OR1F1: variants seen among roughly 807,000 people sequenced by gnomAD.
OR1F1 encodes the protein olfactory receptor 1F1.
For missense variants in OR1F1, 493 were observed against 376.3 expected (o/e 1.31, Z -2.57); for synonymous variants, 184 against 156.7 (o/e 1.17, Z -1.30).
chr16:3,204,660 T>A lies in OR1F1; in HGVS notation c.414T>A (p.His138Gln), dbSNP rs1350873104. 3 of 1,614,140 alleles carry A rather than the reference T, an allele frequency of 1.9e-6. No individual in the cohort carries two copies. The highest frequency in any genetic ancestry group is 2.5e-6 in the Non-Finnish European group (3 of 1,180,022). ...TACATTACACAGCAAAGATGACCCA[T>A]CAGCTCTGTGCCCTGCTGGTTGCTG... The change falls in exon 1 of 1, where the codon CAT becomes CAA. Residue 138 changes from histidine (H) to glutamine (Q), a missense_variant. Coordinates refer to ENST00000304646, the Ensembl canonical transcript of OR1F1.
the OR1F1 span, among the ~76,000 whole-genome samples, chr16:3,192,061 C>A: frequency 6.6e-6 from 1 of 152,108 alleles, no homozygotes; most frequent in Non-Finnish European, 1.5e-5. Context: ...GGACGAGCCC[C>A]TCTTCTTATT....
the OR1F1 span, among the ~76,000 whole-genome samples, chr16:3,194,816 T>C: frequency 6.6e-6 from 1 of 152,140 alleles, no homozygotes; most frequent in Non-Finnish European, 1.5e-5. Context: ...GTGATTTAGG[T>C]CTCGCTATGT....
chr16:3,192,039 G>C, the OR1F1 span, among the ~76,000 whole-genome samples: 5 of 152,186 alleles, frequency 3.3e-5, no homozygotes, highest in South Asian at 2.1e-4. Context: ...AGAGGTCCCG[G>C]GTTCAAATCC....
the OR1F1 span, among the ~76,000 whole-genome samples, chr16:3,193,528 G>A: frequency 2.6e-5 from 4 of 152,222 alleles, no homozygotes; most frequent in Non-Finnish European, 5.9e-5. Flanking sequence ...ACGGGGAATG[G>A]GAGTTTTCTC....
chr16:3,190,569 G>A, the OR1F1 span, among the ~76,000 whole-genome samples: 8 of 152,020 alleles, frequency 5.3e-5, no homozygotes, highest in African/African-American at 1.7e-4. Flanking sequence ...TGGCCAACAT[G>A]GTAAAACCCT....
exon 1 of OR1F1, chr16:3,204,747 A>C: frequency 6.2e-7 from 1 of 1,614,060 alleles, no homozygotes; most frequent in Non-Finnish European, 8.5e-7. Flanking sequence ...CTCCACTCTC[A>C]TTCTGTGCAG....
the OR1F1 span, among the ~76,000 whole-genome samples, chr16:3,195,642 A>G: frequency 6.9e-6 from 1 of 143,962 alleles, no homozygotes; most frequent in Non-Finnish European, 1.5e-5. Flanking sequence ...AGATCACACC[A>G]TTGTATTACA....
At chr16:3,204,764 C>A (rs771230481) in exon 1 of OR1F1, 3 of 1,614,132 alleles carry the variant, frequency 1.9e-6, no homozygotes, top group Non-Finnish European at 2.5e-6. Context: ...GCAGACAATG[C>A]CATCACTCAC....
downstream of OR1F1, among the ~76,000 whole-genome samples, chr16:3,206,456 C>A (rs1958211071): frequency 6.6e-6 from 1 of 151,858 alleles, no homozygotes; most frequent in African/African-American, 2.4e-5. Flanking sequence ...TGTTCGTACA[C>A]CCCCACCCCT....
the OR1F1 span, among the ~76,000 whole-genome samples, chr16:3,198,592 GAAACAAAACA>G: frequency 2.0e-5 from 3 of 152,170 alleles, no homozygotes. Flanking sequence ...GGCAGGAGAT[GAAACAAAACA>G]ACAGTGAGAC....
At chr16:3,205,063 A>G in exon 1 of OR1F1, 1 of 1,613,720 alleles carries the variant, frequency 6.2e-7, no homozygotes, top group Non-Finnish European at 8.5e-7. Context: ...GAAAGACACT[A>G]TGGCTACTGT....
At chr16:3,204,880 C>A (rs1172535808) in exon 1 of OR1F1, 4 of 1,614,174 alleles carry the variant, frequency 2.5e-6, no homozygotes, top group Non-Finnish European at 3.4e-6. Context: ...CACCCCATTT[C>A]TTTGCATCCT....
the OR1F1 span, among the ~76,000 whole-genome samples, chr16:3,195,142 C>T: frequency 6.6e-6 from 1 of 152,198 alleles, no homozygotes; most frequent in Non-Finnish European, 1.5e-5. Context: ...GAGCCCGGGT[C>T]CTGGACCCAA....
downstream of OR1F1, among the ~76,000 whole-genome samples, chr16:3,206,037 A>G (rs1898971327): frequency 2.6e-5 from 4 of 152,196 alleles, no homozygotes; most frequent in South Asian, 6.2e-4. Flanking sequence ...GCAAGTAGGG[A>G]TATCACTGAA....
the OR1F1 span, among the ~76,000 whole-genome samples, chr16:3,198,085 A>G: frequency 4.3e-3 from 265 of 61,168 alleles, no homozygotes; most frequent in Middle Eastern, 0.012. Context: ...GAGAGGGAGA[A>G]GGAGAGGGAG....
At chr16:3,190,834 A>G in the OR1F1 span, among the ~76,000 whole-genome samples, 2 of 152,194 alleles carry the variant, frequency 1.3e-5, no homozygotes, top group Non-Finnish European at 2.9e-5. Context: ...AAAATTGCAA[A>G]CATTTTGGAT....
At chr16:3,194,969 G>C in the OR1F1 span, among the ~76,000 whole-genome samples, 1 of 152,210 alleles carries the variant, frequency 6.6e-6, no homozygotes, top group Non-Finnish European at 1.5e-5. Flanking sequence ...CTCGAGGGTG[G>C]AGTCTTGGCA....
At chr16:3,198,918 C>T in the OR1F1 span, among the ~76,000 whole-genome samples, 30,459 of 150,936 alleles carry the variant, frequency 0.2, 3,191 homozygotes, top group Non-Finnish European at 0.24. Context: ...GTTCACTCCT[C>T]GGCACTCCAG....
At chr16:3,202,741 A>G (rs1958149295), upstream of OR1F1, among the ~76,000 whole-genome samples, 1 of 151,344 alleles carries the variant, frequency 6.6e-6, no homozygotes, top group Non-Finnish European at 1.5e-5. Context: ...CCTAGTGGAC[A>G]TGGTCTTAGC....
Sources: gnomAD v4.1 joint callset for allele counts (sites outside exome capture counted in the v4.1 genomes callset) on GRCh38, gnomAD v4.1.1 for gene constraint, MANE v1.5 for transcripts, NCBI Gene and HGNC (gene_info 2026-07-23, HGNC 2026-07-21) for gene names.